The following OR4K1 variants were observed in gnomAD, a reference collection of about 807,000 sequenced individuals.
OR4K1 encodes the protein olfactory receptor 4K1.
OR4K1 carries 16 observed loss-of-function variants against 14.4 expected under a neutral mutation model. That is an observed-to-expected ratio of 1.11 (90% confidence interval 0.75 to 1.68). The LOEUF is 1.68. Ranked by LOEUF, OR4K1 falls within the 40% of genes most tolerant of loss-of-function variation. OR4K1 has a pLI of 0.00. For synonymous variants in OR4K1, 181 were observed against 133.1 expected, an observed-to-expected ratio of 1.36 and a Z score of -2.48; for missense variants, 548 against 376.9, an observed-to-expected ratio of 1.45 and a Z score of -3.76.
chr14:19,927,187 A>C (rs1426048376), upstream of OR4K1, among the ~76,000 whole-genome samples: 4 of 152,238 alleles, frequency 2.6e-5, no homozygotes, highest in Non-Finnish European at 5.9e-5. Context: ...TCTTAAGCTC[A>C]ATATTATGGC....
At chr14:19,931,826 T>C (rs982019958) in intron 1 of OR4K1, among the ~76,000 whole-genome samples, 1 of 152,240 alleles carries the variant, frequency 6.6e-6, no homozygotes, top group Non-Finnish European at 1.5e-5. Context: ...AAGAAGCTTC[T>C]GGGTGCTCTG....
At chr14:19,930,851 T>C (rs1882168961), upstream of OR4K1, 1 of 152,258 alleles carries the variant, frequency 6.6e-6, no homozygotes, top group Admixed American at 6.5e-5. Flanking sequence ...ATCAGTTTTC[T>C]AGAATGAGGT....
upstream of OR4K1, among the ~76,000 whole-genome samples, chr14:19,928,623 T>G (rs1882112282): frequency 6.6e-6 from 1 of 152,188 alleles, no homozygotes; most frequent in South Asian, 2.1e-4. Context: ...AAATGTTACC[T>G]GTTTTCTACT....
the OR4K1 span, chr14:19,920,810 T>C: frequency 1.8e-4 from 294 of 1,614,186 alleles, no homozygotes; most frequent in African/African-American, 3.6e-3. Context: ...ACCTTTCCTT[T>C]GTTGACATTT....
At chr14:19,926,600 C>T (rs1266372667), upstream of OR4K1, among the ~76,000 whole-genome samples, 1 of 152,184 alleles carries the variant, frequency 6.6e-6, no homozygotes, top group East Asian at 1.9e-4. Context: ...GAGAAAGAGG[C>T]ACAGTTCTCT....
chr14:19,935,058 G>C (rs181405331), intron 1 of OR4K1, among the ~76,000 whole-genome samples: 3 of 152,184 alleles, frequency 2.0e-5, no homozygotes, highest in Non-Finnish European at 4.4e-5. Flanking sequence ...TTGCATTCAC[G>C]ATTTGCTCCT....
chr14:19,934,506 A>G (rs1309234464), intron 1 of OR4K1, among the ~76,000 whole-genome samples: 1 of 152,216 alleles, frequency 6.6e-6, no homozygotes, highest in African/African-American at 2.4e-5. Flanking sequence ...ATTTATTGTT[A>G]ATTGCTTTCT....
chr14:19,924,425 A>AAAAAAAAAAAAAAT, the OR4K1 span, among the ~76,000 whole-genome samples: 1 of 148,742 alleles, frequency 6.7e-6, no homozygotes, highest in Admixed American at 6.7e-5. Flanking sequence ...AAAAAAAAAA[A>AAAAAAAAAAAAAAT]AAGATAGCAT....
At chr14:19,932,415 C>T (rs868736662) in intron 1 of OR4K1, among the ~76,000 whole-genome samples, 2 of 152,062 alleles carry the variant, frequency 1.3e-5, no homozygotes, top group African/African-American at 4.8e-5. Context: ...CCTTTTTCAT[C>T]TCTTTCAATC....
intron 1 of OR4K1, among the ~76,000 whole-genome samples, chr14:19,935,031 C>A (rs568218127): frequency 6.6e-6 from 1 of 152,336 alleles, no homozygotes; most frequent in Non-Finnish European, 1.5e-5. Context: ...TCCATTTAGT[C>A]TTGTGCTTAA....
At chr14:19,923,707 G>A in the OR4K1 span, among the ~76,000 whole-genome samples, 1 of 152,176 alleles carries the variant, frequency 6.6e-6, no homozygotes, top group Non-Finnish European at 1.5e-5. Context: ...TTAACAAAAG[G>A]TAGTAATGAA....
At chr14:19,928,188 A>C (rs1026593619), upstream of OR4K1, among the ~76,000 whole-genome samples, 1 of 152,246 alleles carries the variant, frequency 6.6e-6, no homozygotes, top group Non-Finnish European at 1.5e-5. Flanking sequence ...GACAAGGCAT[A>C]GATTGGACTC....
At chr14:19,921,118 C>T in the OR4K1 span, 8 of 1,614,140 alleles carry the variant, frequency 5.0e-6, no homozygotes, top group East Asian at 1.1e-4. Flanking sequence ...TTTTGTGGAC[C>T]TAATGTAGTA....
upstream of OR4K1, among the ~76,000 whole-genome samples, chr14:19,928,622 C>T (rs1343366815): frequency 6.6e-6 from 1 of 151,832 alleles, no homozygotes; most frequent in Admixed American, 6.6e-5. Context: ...AAAATGTTAC[C>T]TGTTTTCTAC....
Position 19,936,486 on chromosome 14 carries a change from T to C in OR4K1, c.820T>C (p.Phe274Leu), listed in dbSNP as rs1486695064. ...TCCTGTGGACAAATTTCTTTCTGTG[T>C]TCTACACTGTTTGTACTCCCTTGTT... ...RLPVDKFLSV[F>L]YTVCTPLLNP... The change falls in exon 2 of 2, where the codon TTC becomes CTC. Residue 274 changes from phenylalanine to leucine, a missense_variant. Coordinates refer to ENST00000641172, the MANE Select transcript of OR4K1 (RefSeq NM_001004063.3). 6.2e-7 allele frequency: 1 copy of C among 1,613,962 alleles called. No homozygotes were observed. The highest frequency in any genetic ancestry group is 1.7e-5 in the Admixed American group (1 of 60,020).
rs778933004 is a variant in OR4K1 at position 19,935,962 on chromosome 14, C to T, written c.296C>T (p.Ala99Val). The T allele has an allele frequency of 7.4e-6, 12 of 1,614,054 alleles. No homozygotes were observed. The African/African-American group carries it at 8.0e-5, about 11-fold the overall frequency. ...RKTISFEGCM[A>V]QIFVLHSFVG... is the part of the protein sequence containing the mutation. The stretch of plus-strand genomic sequence containing the variant: ...ACTATCTCCTTTGAGGGTTGCATGG[C>T]CCAGATATTCGTTCTTCACAGTTTT... Residue 99 changes from alanine (A) to valine (V), a missense_variant, in exon 2 of 2, where the codon GCC becomes GTC. Physicochemically the swap from Ala to Val is moderately conservative, Grantham distance 64. Transcript: ENST00000641172.
At chr14:19,935,520 G>C in intron 1 of OR4K1, 128 bp from the exon 2 acceptor site, 1 of 737,522 alleles carries the variant, frequency 1.4e-6, no homozygotes, top group Non-Finnish European at 2.2e-6. Flanking sequence ...ATTTACATAC[G>C]TAAATATATG....
chr14:19,931,876 T>A (rs754278175), intron 1 of OR4K1, among the ~76,000 whole-genome samples: 14 of 152,268 alleles, frequency 9.2e-5, no homozygotes, highest in Non-Finnish European at 1.8e-4. Flanking sequence ...AAACTCCATG[T>A]GTTTCCATAA....
At chr14:19,929,869 A>G (rs1470624787), upstream of OR4K1, among the ~76,000 whole-genome samples, 2 of 152,204 alleles carry the variant, frequency 1.3e-5, no homozygotes, top group East Asian at 3.8e-4. Context: ...TTGTCATTGT[A>G]TATCTCCCTT....
Sources: allele counts gnomAD v4.1 joint callset (sites outside exome capture counted in the v4.1 genomes callset), GRCh38; gene constraint gnomAD v4.1.1; transcripts MANE v1.5; gene names NCBI Gene and HGNC (gene_info 2026-07-23, HGNC 2026-07-21).